Variants in AHNAK observed in about 807,000 individuals in gnomAD.
AHNAK encodes neuroblast differentiation-associated protein AHNAK.
A neutral mutation model predicts 37.8 loss-of-function variants in AHNAK; 23 were observed. That is an observed-to-expected ratio of 0.61 (90% CI 0.44 to 0.86). The LOEUF (loss-of-function observed/expected upper bound fraction) is 0.86. Ranked by LOEUF, AHNAK falls within the 40% of genes least tolerant of loss-of-function variation. The pLI, the probability that AHNAK is intolerant of heterozygous loss-of-function variation, is 0.00. For missense variants in AHNAK, 7,411 were observed against 7,319.4 expected (o/e 1.01, Z -0.46); for synonymous variants, 2,481 against 2,636.3 (o/e 0.94, Z 1.80).
Position 62,521,865 on chromosome 11 carries a change from C to A in AHNAK, c.12552G>T (p.Trp4184Cys). 1.9e-6 allele frequency: 3 copies of A among 1,612,866 alleles called. No individual in the cohort carries two copies. Among genetic ancestry groups the A allele is most frequent in the Non-Finnish European group, 2.5e-6 (3 of 1,179,838 alleles). ...TTTTCACTTTGGGCATTTTTAAGTG[C>A]CAGTCTGGGCCTTGAACGTCCACAT... ...VPDVDVQGPD[W>C]HLKMPKVKMP... The change falls in exon 5 of 5, where the codon TGG becomes TGT. Residue 4184 changes from tryptophan to cysteine, a missense_variant. Physicochemically the swap from Trp to Cys is radical, Grantham distance 215 (BLOSUM62 -2). Transcript: ENST00000378024.
At position 62,532,135 on chromosome 11, in the gene AHNAK, C is replaced by A. The variant is rs754327408; in HGVS notation, c.2282G>T (p.Gly761Val). The change falls in exon 5 of 5, where the codon GGG becomes GTG. Residue 761 changes from glycine to valine, a missense_variant. Coordinates refer to ENST00000378024, the MANE Select transcript of AHNAK (RefSeq NM_001620.3). ...CACTTCTGGGCCCTCTGCTTTGAAC[C>A]CTGGCACACTGAATTTGGGCATTTT... ...KMKMPKFSVPGFKAEGPEVDV... is the reference protein window; with the variant it reads ...KMKMPKFSVPVFKAEGPEVDV... The A allele has an allele frequency of 5.6e-6, 9 of 1,613,738 alleles. No individual in the cohort carries two copies. The African/African-American group carries it at 9.4e-5, about 17-fold the overall frequency.
intron 3 of AHNAK, among the ~76,000 whole-genome samples, chr11:62,535,477 C>T (rs546733403): frequency 2.6e-5 from 4 of 152,024 alleles, no homozygotes; most frequent in South Asian, 2.1e-4. Context: ...AGAAAAACCC[C>T]GTCTCTACTA....
At chr11:62,511,487 C>T (rs1257719649), downstream of AHNAK, among the ~76,000 whole-genome samples, 1 of 152,040 alleles carries the variant, frequency 6.6e-6, no homozygotes, top group Non-Finnish European at 1.5e-5. Context: ...AACTCCTGAC[C>T]TCAAGTGATC....
At chr11:62,476,552 C>T (rs150229723) in intron 5 of AHNAK, among the ~76,000 whole-genome samples, 42 of 152,188 alleles carry the variant, frequency 2.8e-4, no homozygotes, top group African/African-American at 1.0e-3. Flanking sequence ...ATTGGACGGT[C>T]GTTCAGCATT....
chr11:62,521,317 T>A lies in AHNAK; in HGVS notation c.13100A>T (p.Lys4367Ile), dbSNP rs767216190. The A allele has an allele frequency of 6.2e-6, 10 of 1,613,104 alleles. No individual in the cohort carries two copies. The Admixed American group carries it at 1.7e-4, about 27-fold the overall frequency. ...PDVSIEGPDA[K>I]LKGPKFKMPE... ...CATCTTGAACTTTGGACCCTTGAGT[T>A]TTGCATCTGGACCTTCGATACTGAC... The change falls in exon 5 of 5, where the codon AAA (lysine) becomes ATA (isoleucine). Residue 4367 changes from lysine (K) to isoleucine (I), a missense_variant. By Grantham distance (102) the Lys-to-Ile change is moderately radical. Transcript: ENST00000378024.
At position 62,521,267 on chromosome 11, in the gene AHNAK, T is replaced by G; in HGVS notation, c.13150A>C (p.Lys4384Gln). ...AAGTCAATGTCAGGCATGGAGATTT[T>G]GGGGGCCTTGATGTTCATCTCTGGC... The part of the protein sequence containing the change: ...KMPEMNIKAP[K>Q]ISMPDIDFNL... The change falls in exon 5 of 5, where the codon AAA becomes CAA. Residue 4384 changes from lysine to glutamine, a missense_variant. Transcript: ENST00000378024. The G allele has an allele frequency of 6.2e-7, 1 of 1,613,988 alleles. No homozygotes were observed. The highest frequency in any genetic ancestry group is 8.5e-7 in the Non-Finnish European group (1 of 1,180,008).
rs577958865 is a variant in AHNAK, at chr11:62,501,551, G to A, written c.343-9720C>T. Among the ~76,000 whole-genome samples, 27 of 152,276 alleles carry A rather than the reference G, an allele frequency of 1.8e-4. 1 individual carries two copies. In the South Asian group the frequency reaches 5.6e-3, roughly 32 times the overall value. ...CACTGCACTTCAGCCTGATGACAAAGCAAAACTCCATCTCAAAAAAATAAA... is the reference window on the plus strand; with the variant it reads ...CACTGCACTTCAGCCTGATGACAAAACAAAACTCCATCTCAAAAAAATAAA... On this transcript the variant is annotated intron_variant, in intron 4 of 5. Transcript: ENST00000257247.
rs144349823 is a variant in AHNAK, at chr11:62,519,202, T to A, written c.15215A>T (p.Lys5072Ile). ...VNIAGPDAAL[K>I]VDVKSPKTKK... ...GGTTTTGGGCGATTTCACGTCGACT[T>A]TGAGTGCAGCATCCGGCCCTGCGAT... Residue 5072 changes from lysine (K) to isoleucine (I), a missense_variant, in exon 5 of 5, where the codon AAA becomes ATA. By Grantham distance (102) the Lys-to-Ile change is moderately radical. Coordinates refer to ENST00000378024, the MANE Select transcript of AHNAK (RefSeq NM_001620.3). 6.2e-7 allele frequency: 1 copy of A among 1,613,304 alleles called. No homozygotes were observed. The highest frequency in any genetic ancestry group is 1.7e-5 in the Admixed American group (1 of 59,840).
At chr11:62,491,790 G>GTTC (rs773317210) in exon 5 of AHNAK, 2 of 1,612,986 alleles carry the variant, frequency 1.2e-6, no homozygotes, top group African/African-American at 2.7e-5. Flanking sequence ...CCTTCTGTTT[G>GTTC]TTCTGGTCTT....
At chr11:62,453,457 G>A (rs1938584214) in intron 5 of AHNAK, among the ~76,000 whole-genome samples, 2 of 152,094 alleles carry the variant, frequency 1.3e-5, no homozygotes, top group South Asian at 4.1e-4. Context: ...TGTGTGTCAG[G>A]AACATGACAA....
chr11:62,524,635 T>G lies in AHNAK; in HGVS notation c.9782A>C (p.Asp3261Ala). 2 of 1,614,240 alleles carry G rather than the reference T, an allele frequency of 1.2e-6. No homozygotes were observed. Among genetic ancestry groups the G allele is most frequent in the Non-Finnish European group, 1.7e-6 (2 of 1,180,046 alleles). Residue 3261 changes from aspartate (D) to alanine (A), a missense_variant, in exon 5 of 5, where the codon GAT (aspartate) becomes GCT (alanine). Transcript: ENST00000378024. ...AATGTCAATATCTGGAGCATCTACA[T>G]CTATCTTTGGGCCTTTTATGTCAAG... ...PALDIKGPKI[D>A]VDAPDIDIHG...
At chr11:62,451,897 T>C (rs1352671671) in intron 5 of AHNAK, among the ~76,000 whole-genome samples, 1 of 143,994 alleles carries the variant, frequency 6.9e-6, no homozygotes. Flanking sequence ...AAGCTCCGCC[T>C]CCCAGGTTCA....
Position 62,533,961 on chromosome 11 carries a change from T to C in AHNAK, c.456A>G (p.Thr152=). The C allele has an allele frequency of 6.2e-7, 1 of 1,613,964 alleles. No homozygotes were observed. The highest frequency in any genetic ancestry group is 1.3e-5 in the African/African-American group (1 of 75,054). ...DLGETQSRTI[T]VTRRVTAYTV... is the part of the protein sequence containing the mutation. ...TGTAGGCCGTGACCCTTCTGGTCAC[T>C]GTGATGGTACGGCTCTGGGTCTCCC... The change falls in exon 5 of 5, where the codon ACA becomes ACG. Residue 152 remains threonine, a synonymous_variant. Coordinates refer to ENST00000378024, the MANE Select transcript of AHNAK (RefSeq NM_001620.3).
intron 4 of AHNAK, among the ~76,000 whole-genome samples, chr11:62,493,937 G>T (rs1939559237): frequency 6.6e-6 from 1 of 152,056 alleles, no homozygotes; most frequent in Non-Finnish European, 1.5e-5. Context: ...ATTTGTCTTT[G>T]TCTCCGAGAG....
intron 4 of AHNAK, among the ~76,000 whole-genome samples, chr11:62,499,120 C>T (rs1280410807): frequency 1.3e-5 from 2 of 152,130 alleles, no homozygotes; most frequent in Non-Finnish European, 1.5e-5. Context: ...AAAATATGCC[C>T]GGAGGCAGGG....
intron 5 of AHNAK, among the ~76,000 whole-genome samples, chr11:62,485,610 G>A (rs1328757671): frequency 4.7e-5 from 7 of 149,712 alleles, no homozygotes; most frequent in African/African-American, 1.7e-4. Flanking sequence ...GCTGAGGCAG[G>A]AGAATCGCTC....
intron 5 of AHNAK, among the ~76,000 whole-genome samples, chr11:62,457,212 C>G (rs1345636608): frequency 6.6e-6 from 1 of 152,062 alleles, no homozygotes; most frequent in Non-Finnish European, 1.5e-5. Context: ...CTTTGGGAGG[C>G]TGAGGCAGGT....
At chr11:62,515,122 G>A (rs1939984031), downstream of AHNAK, among the ~76,000 whole-genome samples, 1 of 152,176 alleles carries the variant, frequency 6.6e-6, no homozygotes, top group African/African-American at 2.4e-5. Context: ...CCCACATACT[G>A]TCAACAGAGC....
chr11:62,458,876 G>A (rs958074197), intron 5 of AHNAK, among the ~76,000 whole-genome samples: 1 of 152,126 alleles, frequency 6.6e-6, no homozygotes, highest in African/African-American at 2.4e-5. Context: ...TTTGCCCCAA[G>A]TACCCCAGCT....
Sources: allele counts gnomAD v4.1 joint callset (sites outside exome capture counted in the v4.1 genomes callset), GRCh38; gene constraint gnomAD v4.1.1; transcripts MANE v1.5; gene names NCBI Gene and HGNC (gene_info 2026-07-23, HGNC 2026-07-21).